Variants in KDM5B observed in about 807,000 individuals in gnomAD.
KDM5B encodes the protein lysine-specific demethylase 5B.
In KDM5B, 144 loss-of-function variants were observed where a neutral mutation model predicts 193.4. The observed-to-expected ratio is 0.74, with a 90% CI of 0.65 to 0.86. KDM5B has a LOEUF of 0.86. Among genes scored for constraint, KDM5B ranks in the 40% least tolerant of loss-of-function variants. KDM5B has a pLI of 0.00. For synonymous variants in KDM5B, 668 were observed against 682.6 expected (o/e 0.98, Z 0.33); for missense variants, 1,833 against 1,886.9 (o/e 0.97, Z 0.53).
In KDM5B at chr1:202,729,990, CTG is replaced by C; in HGVS notation, c.4212_4213del (p.Asn1404LysfsTer3). On this transcript the variant is annotated frameshift_variant, in exon 26 of 27. Transcript: ENST00000367265. LOFTEE classifies it high-confidence loss of function. ...GCGTCTCTTCAGTTTTCTCTCAAGACTGTTAATTCCATCTCGCTTCCCTCGGC... is the reference window on the plus strand; with the variant it reads ...GCGTCTCTTCAGTTTTCTCTCAAGACTTAATTCCATCTCGCTTCCCTCGGC... The C allele has an allele frequency of 6.2e-7, 1 of 1,612,512 alleles. No homozygotes were observed. The highest frequency in any genetic ancestry group is 8.5e-7 in the Non-Finnish European group (1 of 1,179,204).
At chr1:202,773,603 T>C (rs558074228) in intron 3 of KDM5B, among the ~76,000 whole-genome samples, 1 of 152,338 alleles carries the variant, frequency 6.6e-6, no homozygotes, top group South Asian at 2.1e-4. Flanking sequence ...GAAGGGACTG[T>C]AATACTTGGT....
At chr1:202,755,475 G>A (rs777967235) in intron 10 of KDM5B, 23 bp from the exon 11 acceptor site, 3 of 1,579,302 alleles carry the variant, frequency 1.9e-6, no homozygotes, top group South Asian at 2.2e-5. Flanking sequence ...AGACAAAAGA[G>A]GATAAAGGTT....
intron 1 of KDM5B, among the ~76,000 whole-genome samples, chr1:202,805,498 T>C (rs984406215): frequency 3.3e-5 from 5 of 152,192 alleles, no homozygotes; most frequent in African/African-American, 1.2e-4. Context: ...GAGACAGAAA[T>C]GTTTTATACT....
In KDM5B at chr1:202,731,915, A is replaced by T; in HGVS notation, c.3934T>A (p.Ser1312Thr). ...NKVSQPPGTT[S>T]FSLPDDWDNR... ...TCCCAGTCATCAGGCAAAGAAAATG[A>T]TGTTGTGCCAGGAGGTTGAGATACC... The change falls in exon 24 of 27, where the codon TCA becomes ACA. Residue 1312 changes from serine (S) to threonine (T), a missense_variant. By Grantham distance (58) the Ser-to-Thr change is moderately conservative. Transcript: ENST00000367265. 1 of 1,613,122 alleles carries T rather than the reference A, an allele frequency of 6.2e-7. No individual in the cohort carries two copies.
At chr1:202,774,472 C>G (rs1177619414) in intron 3 of KDM5B, 141 bp downstream of exon 3, 1 of 704,900 alleles carries the variant, frequency 1.4e-6, no homozygotes, top group East Asian at 2.8e-5. Context: ...AAGCAATCCT[C>G]CTCCCTTGAC....
chr1:202,781,242 G>C (rs1442015721), intron 1 of KDM5B, among the ~76,000 whole-genome samples: 1 of 152,204 alleles, frequency 6.6e-6, no homozygotes, highest in Non-Finnish European at 1.5e-5. Context: ...TAAGTTTACA[G>C]TGAGCTATGA....
intron 1 of KDM5B, among the ~76,000 whole-genome samples, chr1:202,798,637 G>C (rs1288629943): frequency 9.2e-5 from 14 of 152,108 alleles, no homozygotes. Context: ...GCTGAGGTGG[G>C]ATCATTTGAG....
At chr1:202,775,231 T>C (rs1384899323) in intron 2 of KDM5B, among the ~76,000 whole-genome samples, 5 of 150,968 alleles carry the variant, frequency 3.3e-5, no homozygotes, top group African/African-American at 1.2e-4. Context: ...AGTAAGACTC[T>C]GTCTCAAAAT....
intron 1 of KDM5B, among the ~76,000 whole-genome samples, chr1:202,801,025 T>C (rs747146869): frequency 6.6e-6 from 1 of 152,198 alleles, no homozygotes; most frequent in Admixed American, 6.5e-5. Flanking sequence ...ATAACCTGAA[T>C]AGGACAAAAG....
intron 1 of KDM5B, among the ~76,000 whole-genome samples, chr1:202,789,299 T>C (rs1657538924): frequency 6.6e-6 from 1 of 151,966 alleles, no homozygotes; most frequent in African/African-American, 2.4e-5. Context: ...GGCGGGTGGA[T>C]CACTTGAGGT....
chr1:202,733,595 G>A lies in KDM5B; in HGVS notation c.3715C>T (p.Leu1239Phe), dbSNP rs1411088678. Residue 1239 changes from leucine to phenylalanine, a missense_variant, in exon 23 of 27, where the codon CTT (leucine) becomes TTT (phenylalanine). By Grantham distance (22) the Leu-to-Phe change is conservative. Around this residue, in one of 3 missense-constraint regions of KDM5B, gnomAD observed 1,379 missense variants for 1,349.6 expected, o/e 1.02. Transcript: ENST00000367265. ...LEKILPLLAS[L>F]QRIRVRLPEG... ...GGAAGGCGAACTCGGATACGCTGAA[G>A]GGAGGCGAGCAGGGGCAGAATTTTC... 6.2e-7 allele frequency: 1 copy of A among 1,614,170 alleles called. No individual in the cohort carries two copies. The highest frequency in any genetic ancestry group is 1.7e-5 in the Admixed American group (1 of 60,022).
intron 16 of KDM5B, among the ~76,000 whole-genome samples, chr1:202,745,350 A>G (rs1301202900): frequency 6.6e-6 from 1 of 152,166 alleles, no homozygotes; most frequent in Non-Finnish European, 1.5e-5. Context: ...AACAAACTAT[A>G]TTTTCATAAG....
rs527826330 is a variant in KDM5B at position 202,779,351 on chromosome 1, C to G, written c.205-2257G>C. The stretch of plus-strand genomic sequence containing the variant: ...AAAATTAGCCAGGCGTGGTGGCACG[C>G]GGCTGTAGTCCCAGCTACTCAGGAG... On this transcript the variant is annotated intron_variant, in intron 1 of 26. Transcript: ENST00000367265. Among the ~76,000 whole-genome samples, 13 of 151,944 alleles carry G rather than the reference C, an allele frequency of 8.6e-5. No individual in the cohort carries two copies. The South Asian group carries it at 2.7e-3, about 32-fold the overall frequency.
At chr1:202,807,960 G>C in intron 1 of KDM5B, 142 bp downstream of exon 1, 1 of 784,418 alleles carries the variant, frequency 1.3e-6, no homozygotes, top group Non-Finnish European at 1.9e-6. Flanking sequence ...CCTCAACTCC[G>C]ACCTTCTAGG....
At position 202,770,249 on chromosome 1, in the gene KDM5B, T is replaced by A. The variant is rs187271333; in HGVS notation, c.576+2869A>T. Among the ~76,000 whole-genome samples the A allele has an allele frequency of 9.0e-4, 137 of 152,300 alleles. 1 individual carries two copies. The highest frequency in any genetic ancestry group is 3.2e-3 in the African/African-American group (131 of 41,574). The stretch of plus-strand genomic sequence containing the variant: ...CAGGACTTACAGGTGATTAATATCA[T>A]CATCATGCCATAATCACATCATCCC... On this transcript the variant is annotated intron_variant, in intron 4 of 26. Transcript: ENST00000367265.
At chr1:202,776,883 GTTC>G (rs1656979753) in intron 2 of KDM5B, 131 bp downstream of exon 2, 4 of 687,810 alleles carry the variant, frequency 5.8e-6, no homozygotes, top group Admixed American at 4.6e-5. Context: ...AGAAAGAAAT[GTTC>G]TTATTTGCTC....
At chr1:202,793,433 T>C (rs1403410004) in intron 1 of KDM5B, among the ~76,000 whole-genome samples, 1 of 152,196 alleles carries the variant, frequency 6.6e-6, no homozygotes, top group East Asian at 1.9e-4. Context: ...TAAGTTCAAA[T>C]CTGGCTCCAC....
Position 202,740,673 on chromosome 1 carries a change from C to T in KDM5B, c.3084+1G>A. ...TTCTGTATATACTTTTTAAAACCAA[C>T]CTGCAGGCCCTCTACATCCTGAAGC... is the stretch of plus-strand genomic sequence containing the variant. On this transcript the variant is annotated splice_donor_variant, in intron 20 of 26. Transcript: ENST00000367265. LOFTEE classifies it high-confidence loss of function. 6.2e-7 allele frequency: 1 copy of T among 1,610,332 alleles called. No individual in the cohort carries two copies. The highest frequency in any genetic ancestry group is 8.5e-7 in the Non-Finnish European group (1 of 1,178,706).
intron 1 of KDM5B, among the ~76,000 whole-genome samples, chr1:202,791,558 C>G (rs1397978461): frequency 6.6e-6 from 1 of 152,058 alleles, no homozygotes; most frequent in Non-Finnish European, 1.5e-5. Context: ...TCACGCAACC[C>G]TACTCTAATC....
Sources: allele counts gnomAD v4.1 joint callset (sites outside exome capture counted in the v4.1 genomes callset), GRCh38; gene constraint gnomAD v4.1.1; regional missense constraint gnomAD v4.1.1; transcripts MANE v1.5; gene names NCBI Gene and HGNC (gene_info 2026-07-23, HGNC 2026-07-21).